Variants in LAMA3 observed in about 807,000 individuals in gnomAD.
LAMA3 encodes the protein laminin subunit alpha 3, also known as laminin subunit alpha-3.
Under a neutral mutation model 402.0 loss-of-function variants are expected in LAMA3, and 281 were observed. The observed-to-expected ratio is 0.70, with a 90% confidence interval of 0.63 to 0.77. LAMA3 has a LOEUF of 0.77. Ranked by LOEUF, LAMA3 falls within the 30% of genes least tolerant of loss-of-function variation. The pLI, the probability that LAMA3 is intolerant of heterozygous loss-of-function variation, is 0.00. For missense variants in LAMA3, 3,840 were observed against 4,215.5 expected (o/e 0.91, Z 2.47); for synonymous variants, 1,431 against 1,558.4 (o/e 0.92, Z 1.93).
intron 10 of LAMA3, among the ~76,000 whole-genome samples, chr18:23,777,319 TTG>T (rs777084792): frequency 3.5e-4 from 53 of 152,252 alleles, no homozygotes; most frequent in Admixed American, 1.5e-3. Flanking sequence ...GACTTAGCTA[TTG>T]TGAGCACGAA....
intron 51 of LAMA3, 117 bp from the exon 52 acceptor site, chr18:23,905,405 C>G (rs2145162057): frequency 1.5e-6 from 1 of 679,790 alleles, no homozygotes; most frequent in East Asian, 2.8e-5. Flanking sequence ...AGTTATAACT[C>G]CTTCCCCCTT....
chr18:23,861,956 C>T, intron 35 of LAMA3, 149 bp downstream of exon 35: 1 of 880,208 alleles, frequency 1.1e-6, no homozygotes, highest in Non-Finnish European at 1.7e-6. Flanking sequence ...GAGGAAGAGA[C>T]CCTGCCTCCT....
At chr18:23,695,641 A>T (rs1033011459) in intron 1 of LAMA3, among the ~76,000 whole-genome samples, 17 of 151,536 alleles carry the variant, frequency 1.1e-4, no homozygotes, top group Non-Finnish European at 1.9e-4. Flanking sequence ...GGCCAAATAA[A>T]AAATAAATTA....
At chr18:23,693,509 C>T (rs2060630548) in intron 1 of LAMA3, among the ~76,000 whole-genome samples, 1 of 145,874 alleles carries the variant, frequency 6.9e-6, no homozygotes, top group Non-Finnish European at 1.5e-5. Flanking sequence ...TCCCTCAGCT[C>T]TTGAGAGTGA....
intron 26 of LAMA3, 95 bp downstream of exon 26, chr18:23,838,973 A>AT (rs1281992621): frequency 7.5e-5 from 61 of 813,770 alleles, no homozygotes; most frequent in Non-Finnish European, 1.5e-5. Context: ...AGAAATGATC[A>AT]TAAGCCAAGG....
chr18:23,819,943 G>T lies in LAMA3; in HGVS notation c.2250G>T (p.Pro750=), dbSNP rs540568341. The T allele has an allele frequency of 1.2e-6, 2 of 1,614,066 alleles. No homozygotes were observed. The highest frequency in any genetic ancestry group is 1.7e-5 in the Admixed American group (1 of 60,012). The part of the protein sequence containing the change: ...NGRDLRFGFD[P]LAFPEFSWRG... The stretch of plus-strand genomic sequence containing the variant: ...GAGACCTTCGATTTGGATTTGATCC[G>T]CTGGCATTTCCTGAGTTTAGCTGGA... Residue 750 remains proline (P), a synonymous_variant, in exon 19 of 75, where the codon CCG becomes CCT. Coordinates refer to ENST00000313654, the MANE Select transcript of LAMA3 (RefSeq NM_198129.4).
At chr18:23,716,305 G>A (rs1224654109) in intron 2 of LAMA3, among the ~76,000 whole-genome samples, 2 of 152,098 alleles carry the variant, frequency 1.3e-5, no homozygotes, top group African/African-American at 4.8e-5. Flanking sequence ...CTACAGGCAT[G>A]TGCCACCATG....
At chr18:23,840,989 T>G (rs566535959) in intron 27 of LAMA3, among the ~76,000 whole-genome samples, 1 of 152,242 alleles carries the variant, frequency 6.6e-6, no homozygotes, top group African/African-American at 2.4e-5. Flanking sequence ...ATTTTGGATT[T>G]TCAGTTTAGG....
chr18:23,822,888 G>A (rs2063313470), intron 20 of LAMA3, among the ~76,000 whole-genome samples: 1 of 152,156 alleles, frequency 6.6e-6, no homozygotes, highest in African/African-American at 2.4e-5. Flanking sequence ...AATTCCTGAG[G>A]GCAGAGGGAC....
chr18:23,713,892 CA>C (rs759823364), intron 1 of LAMA3, 27 bp from the exon 2 acceptor site: 14 of 1,591,030 alleles, frequency 8.8e-6, no homozygotes, highest in African/African-American at 4.1e-5. Flanking sequence ...AAACAAAAAA[CA>C]AAAAAAACCC....
At chr18:23,754,074 A>G (rs1218633732) in intron 6 of LAMA3, among the ~76,000 whole-genome samples, 1 of 152,190 alleles carries the variant, frequency 6.6e-6, no homozygotes, top group African/African-American at 2.4e-5. Context: ...ATCACCCCCA[A>G]GACATACCTC....
At chr18:23,866,381 T>C (rs1411505097) in intron 36 of LAMA3, among the ~76,000 whole-genome samples, 1 of 152,236 alleles carries the variant, frequency 6.6e-6, no homozygotes, top group African/African-American at 2.4e-5. Flanking sequence ...CACACACACC[T>C]CATCACAGCA....
chr18:23,810,315 C>A (rs755238142), intron 12 of LAMA3, 51 bp from the exon 13 acceptor site: 11 of 1,611,442 alleles, frequency 6.8e-6, no homozygotes, highest in Non-Finnish European at 8.5e-6. Context: ...GGTTCTTCCC[C>A]CTCCCATACC....
At chr18:23,827,229 G>A (rs2063400626) in intron 22 of LAMA3, 85 bp from the exon 23 acceptor site, 1 of 1,356,490 alleles carries the variant, frequency 7.4e-7, no homozygotes, top group African/African-American at 1.4e-5. Context: ...CTGAATGACT[G>A]AGAGTCTTTG....
rs79295130 is a variant in LAMA3 at position 23,793,862 on chromosome 18, G to T, written c.1603+9705G>T. Reference sequence around the variant, plus strand: ...CCCTCACCATCAGTTGCAAGCCTGGGCCTCTGGAACTTCTGACGAAGCGGC... The same window carrying T: ...CCCTCACCATCAGTTGCAAGCCTGGTCCTCTGGAACTTCTGACGAAGCGGC... On this transcript the variant is annotated intron_variant, in intron 12 of 74. Coordinates refer to ENST00000313654, the MANE Select transcript of LAMA3 (RefSeq NM_198129.4). 4.0e-3 allele frequency among the ~76,000 whole-genome samples: 606 copies of T among 152,302 alleles called. 8 individuals are homozygous for T. The highest frequency in any genetic ancestry group is 0.031 in the Admixed American group (476 of 15,306).
intron 47 of LAMA3, among the ~76,000 whole-genome samples, chr18:23,900,382 C>T (rs1258176407): frequency 6.6e-6 from 1 of 152,142 alleles, no homozygotes; most frequent in Non-Finnish European, 1.5e-5. Flanking sequence ...CTGAAATGAA[C>T]TTTTGACTGC....
chr18:23,835,408 G>GA lies in LAMA3; in HGVS notation c.2984+1423dup, dbSNP rs1373453668. ...AGGAGTGGTTTCAAAACCAAAGAAA[G>GA]AAAGGACACCCTTTCTGGGCACCAT... On this transcript the variant is annotated intron_variant, in intron 24 of 74. Transcript: ENST00000313654. 2.0e-5 allele frequency among the ~76,000 whole-genome samples: 3 copies of GA among 152,196 alleles called. No homozygotes were observed. The East Asian group carries it at 5.8e-4, about 29-fold the overall frequency.
At chr18:23,845,209 C>A in intron 30 of LAMA3, 85 bp downstream of exon 30, 1 of 807,524 alleles carries the variant, frequency 1.2e-6, no homozygotes, top group Non-Finnish European at 2.2e-6. Context: ...AGGGGCTGGC[C>A]CATGGATCCG....
chr18:23,897,504 TGCTAAGG>T (rs1462826743), intron 44 of LAMA3, among the ~76,000 whole-genome samples: 2 of 152,174 alleles, frequency 1.3e-5, no homozygotes, highest in African/African-American at 4.8e-5. Context: ...CCACACCCTG[TGCTAAGG>T]GCTTTACTCA....
Sources: allele counts gnomAD v4.1 joint callset (sites outside exome capture counted in the v4.1 genomes callset), GRCh38; gene constraint gnomAD v4.1.1; transcripts MANE v1.5; gene names NCBI Gene and HGNC (gene_info 2026-07-23, HGNC 2026-07-21).